The following SPSB1 variants were observed in gnomAD, a reference collection of about 807,000 sequenced individuals.
SPSB1 encodes the protein SPRY domain-containing SOCS box protein 1.
SPSB1 carries 8 observed loss-of-function variants against 21.2 expected under a neutral mutation model. The ratio of observed to expected loss-of-function variants is 0.38; its 90% CI spans 0.22 to 0.68. The LOEUF (loss-of-function observed/expected upper bound fraction) is 0.68. Among genes scored for constraint, SPSB1 ranks in the 30% least tolerant of loss-of-function variants. SPSB1 has a pLI of 0.53. For missense variants in SPSB1, 242 were observed against 377.8 expected, an observed-to-expected ratio of 0.64 and a Z score of 2.98; for synonymous variants, 169 against 161.7, an observed-to-expected ratio of 1.05 and a Z score of -0.34.
At chr1:9,310,341 G>T (rs1371207541) in intron 1 of SPSB1, among the ~76,000 whole-genome samples, 1 of 152,328 alleles carries the variant, frequency 6.6e-6, no homozygotes, top group East Asian at 1.9e-4. Context: ...GGCATCTCAT[G>T]TGAGGTTCTT....
At chr1:9,365,556 C>G (rs761993029) in intron 2 of SPSB1, among the ~76,000 whole-genome samples, 2 of 146,840 alleles carry the variant, frequency 1.4e-5, no homozygotes, top group African/African-American at 2.5e-5. Flanking sequence ...AATTCAGTGG[C>G]CTCTTGCGTG....
chr1:9,314,871 G>T (rs570966405), intron 1 of SPSB1, among the ~76,000 whole-genome samples: 5 of 152,304 alleles, frequency 3.3e-5, no homozygotes, highest in African/African-American at 7.2e-5. Context: ...GCCAGTGGGA[G>T]GCTCCAGGGC....
At chr1:9,340,376 T>C (rs1640071352) in intron 1 of SPSB1, among the ~76,000 whole-genome samples, 2 of 152,226 alleles carry the variant, frequency 1.3e-5, no homozygotes, top group Non-Finnish European at 2.9e-5. Flanking sequence ...CAGCTGCCGA[T>C]ACAATTAAAC....
chr1:9,323,627 G>A (rs906369816), intron 1 of SPSB1, among the ~76,000 whole-genome samples: 7 of 152,184 alleles, frequency 4.6e-5, no homozygotes, highest in Non-Finnish European at 7.3e-5. Flanking sequence ...TGGCAGACGC[G>A]CCTCCCTGCA....
chr1:9,295,797 A>C (rs1350431084), intron 1 of SPSB1, among the ~76,000 whole-genome samples: 1 of 152,182 alleles, frequency 6.6e-6, no homozygotes, highest in South Asian at 2.1e-4. Context: ...TACGGTGTTC[A>C]TGAGTTCGTC....
At chr1:9,335,649 A>T (rs1432139004) in intron 1 of SPSB1, among the ~76,000 whole-genome samples, 1 of 152,128 alleles carries the variant, frequency 6.6e-6, no homozygotes, top group Non-Finnish European at 1.5e-5. Flanking sequence ...AAAACTAAAA[A>T]ACTAGCTGAG....
At chr1:9,331,745 C>T (rs568345873) in intron 1 of SPSB1, among the ~76,000 whole-genome samples, 60 of 152,300 alleles carry the variant, frequency 3.9e-4, no homozygotes, top group Non-Finnish European at 6.2e-4. Flanking sequence ...ACTTGCTCTC[C>T]GCTTCCTGTG....
chr1:9,327,090 T>C (rs1639827667), intron 1 of SPSB1, among the ~76,000 whole-genome samples: 1 of 152,120 alleles, frequency 6.6e-6, no homozygotes, highest in Non-Finnish European at 1.5e-5. Flanking sequence ...GCATCTGCCG[T>C]CGTTTCGTGG....
chr1:9,295,209 A>G (rs61783473), intron 1 of SPSB1, among the ~76,000 whole-genome samples: 1 of 85,124 alleles, frequency 1.2e-5, no homozygotes, highest in African/African-American at 5.1e-5. Context: ...TGTGTGTGTG[A>G]GAGTGTGAGT....
intron 1 of SPSB1, among the ~76,000 whole-genome samples, chr1:9,340,661 G>T (rs557279592): frequency 2.6e-5 from 4 of 152,236 alleles, no homozygotes; most frequent in African/African-American, 9.6e-5. Flanking sequence ...GGTCTGAGCC[G>T]CCTGTGCTGT....
In SPSB1 at chr1:9,363,069, G is replaced by C. The variant is rs1472038206; in HGVS notation, c.695-4379G>C. 1.3e-5 allele frequency among the ~76,000 whole-genome samples: 2 copies of C among 152,166 alleles called. No individual in the cohort carries two copies. Among genetic ancestry groups the C allele is most frequent in the African/African-American group, 4.8e-5 (2 of 41,426 alleles). On this transcript the variant is annotated intron_variant, in intron 2 of 2. Transcript: ENST00000328089. This position sits in a 1 kb window ranked among gnomAD's most constrained non-coding sequence, Gnocchi z 4.5. ...GTGTGGAGGTTGGGGAGAACTCCCT[G>C]GTACTGGTAGTGACCAGCTGAAATG...
At chr1:9,357,700 G>A (rs1640396161) in intron 2 of SPSB1, among the ~76,000 whole-genome samples, 1 of 152,222 alleles carries the variant, frequency 6.6e-6, no homozygotes, top group South Asian at 2.1e-4. Flanking sequence ...CTTTGGGAAG[G>A]GGAGTGGCCT....
intron 1 of SPSB1, among the ~76,000 whole-genome samples, chr1:9,304,457 C>G (rs115816350): frequency 2.6e-5 from 4 of 152,144 alleles, no homozygotes; most frequent in African/African-American, 9.7e-5. Flanking sequence ...CAGTTATGGT[C>G]GCCTTAAGAA....
At position 9,324,033 on chromosome 1, in the gene SPSB1, C is replaced by T. The variant is rs1188363102; in HGVS notation, c.-150+30962C>T. Among the ~76,000 whole-genome samples the T allele has an allele frequency of 6.6e-6, 1 of 152,204 alleles. No individual in the cohort carries two copies. The highest frequency in any genetic ancestry group is 1.5e-5 in the Non-Finnish European group (1 of 68,044). On this transcript the variant is annotated intron_variant, in intron 1 of 2. Coordinates refer to ENST00000328089, the MANE Select transcript of SPSB1 (RefSeq NM_025106.4). This position sits in a 1 kb window ranked among gnomAD's most constrained non-coding sequence, Gnocchi z 4.3. The stretch of plus-strand genomic sequence containing the variant: ...TGTCCTTGATGGCCCAAACTCGGGC[C>T]GCAGAACCCCTCCTCAGGCCAGCCT...
intron 1 of SPSB1, among the ~76,000 whole-genome samples, chr1:9,337,379 G>T (rs916950430): frequency 5.3e-5 from 8 of 152,112 alleles, no homozygotes; most frequent in African/African-American, 1.9e-4. Flanking sequence ...GGGGAGGAGT[G>T]TGGCCAGGGC....
At chr1:9,365,208 C>G (rs1263715055) in intron 2 of SPSB1, among the ~76,000 whole-genome samples, 1 of 152,126 alleles carries the variant, frequency 6.6e-6, no homozygotes, top group Admixed American at 6.5e-5. Context: ...AATACAGTGG[C>G]ACAATCACAG....
At position 9,293,018 on chromosome 1, in the gene SPSB1, G is replaced by T. The variant is rs1017792751; in HGVS notation, c.-203G>T. 6 of 982,100 alleles carry T rather than the reference G, an allele frequency of 6.1e-6. No individual in the cohort carries two copies. The East Asian group carries it at 3.5e-4, about 57-fold the overall frequency. The allele number at this position is 982,100 out of a possible 1,614,324, so 60.8% of individuals were successfully genotyped here. A position where few individuals can be genotyped will look rare whatever the true frequency, so the allele number is the denominator to read the frequency against. ...TCCCTGCGGCGGGCGCGGCCCGGGC[G>T]CCCGAGCCTCCTCGGCCTTGGAGAG... On this transcript the variant is annotated 5_prime_UTR_variant, in exon 1 of 3. Transcript: ENST00000328089. The surrounding 1 kb of genome is among the most constrained non-coding windows in gnomAD (Gnocchi z 5.1).
intron 2 of SPSB1, among the ~76,000 whole-genome samples, chr1:9,364,779 C>T (rs376527670): frequency 3.3e-5 from 5 of 152,256 alleles, no homozygotes; most frequent in Middle Eastern, 3.4e-3. Context: ...GCAGTGGTCC[C>T]TCTTCTTTTG....
At chr1:9,307,040 T>G (rs1639425728) in intron 1 of SPSB1, among the ~76,000 whole-genome samples, 1 of 151,052 alleles carries the variant, frequency 6.6e-6, no homozygotes, top group South Asian at 2.1e-4. Flanking sequence ...TGATTCTCCC[T>G]CCTTAGCCTC....
Sources: allele counts gnomAD v4.1 joint callset (sites outside exome capture counted in the v4.1 genomes callset), GRCh38; gene constraint gnomAD v4.1.1; non-coding constraint Gnocchi (gnomAD v3.1); transcripts MANE v1.5; gene names NCBI Gene and HGNC (gene_info 2026-07-23, HGNC 2026-07-21).